RANBP2: variants seen among roughly 807,000 people sequenced by gnomAD.
RANBP2 encodes E3 SUMO-protein ligase RanBP2.
RANBP2 carries 57 observed loss-of-function variants against 303.6 expected under a neutral mutation model. The observed-to-expected ratio is 0.19, with a 90% CI of 0.15 to 0.23. RANBP2 has a LOEUF of 0.23. Ranked by LOEUF, RANBP2 falls within the 10% of genes least tolerant of loss-of-function variation. The probability of loss-of-function intolerance (pLI) is 1.00; values close to 1 mark genes in which losing one functional copy is unlikely to be tolerated. For synonymous variants in RANBP2, 1,167 were observed against 1,301.5 expected, an observed-to-expected ratio of 0.90 and a Z score of 2.23; for missense variants, 3,138 against 3,780.8, an observed-to-expected ratio of 0.83 and a Z score of 4.46.
chr2:109,603,117 A>G, the RANBP2 span, among the ~76,000 whole-genome samples: 1 of 152,118 alleles, frequency 6.6e-6, no homozygotes, highest in Non-Finnish European at 1.5e-5. Context: ...AAAAGGACCT[A>G]AAGTTGACAG....
At chr2:109,227,373 T>C in the RANBP2 span, among the ~76,000 whole-genome samples, 3 of 152,166 alleles carry the variant, frequency 2.0e-5, no homozygotes, top group Non-Finnish European at 4.4e-5. Context: ...CTCAGGTCCT[T>C]AGGGGTCCTG....
At chr2:109,511,339 A>G in the RANBP2 span, among the ~76,000 whole-genome samples, 1 of 152,202 alleles carries the variant, frequency 6.6e-6, no homozygotes, top group African/African-American at 2.4e-5. Context: ...GTGGCCTCTG[A>G]TGACAGCACC....
chr2:108,911,090 G>T, the RANBP2 span: 1 of 1,614,006 alleles, frequency 6.2e-7, no homozygotes, highest in Non-Finnish European at 8.5e-7. Context: ...TGGAGAGAAG[G>T]CATGAATGAC....
At chr2:109,490,729 G>T in the RANBP2 span, 67 of 1,535,906 alleles carry the variant, frequency 4.4e-5, no homozygotes, top group Non-Finnish European at 5.5e-5. Flanking sequence ...CTGCTCCAAG[G>T]TGCAGTGGGC....
At chr2:109,500,911 C>T in the RANBP2 span, among the ~76,000 whole-genome samples, 190 of 152,270 alleles carry the variant, frequency 1.2e-3, 1 homozygote, top group Middle Eastern at 3.4e-3. Flanking sequence ...GATCATACCA[C>T]GGCACTCCAG....
At chr2:109,265,944 C>T in the RANBP2 span, among the ~76,000 whole-genome samples, 34 of 152,242 alleles carry the variant, frequency 2.2e-4, no homozygotes, top group East Asian at 5.0e-3. Flanking sequence ...AATTACCCAC[C>T]GAGCCCTGGA....
the RANBP2 span, among the ~76,000 whole-genome samples, chr2:109,342,008 A>G: frequency 1.3e-5 from 2 of 152,198 alleles, no homozygotes; most frequent in African/African-American, 4.8e-5. Flanking sequence ...GTGTGTATAC[A>G]ATTAGGGTCT....
chr2:108,805,501 G>A, the RANBP2 span, among the ~76,000 whole-genome samples: 150 of 151,996 alleles, frequency 9.9e-4, no homozygotes, highest in Non-Finnish European at 1.6e-3. Context: ...TGAGGTGGGC[G>A]GATCACGAGG....
the RANBP2 span, among the ~76,000 whole-genome samples, chr2:109,193,498 A>G: frequency 6.6e-6 from 1 of 152,184 alleles, no homozygotes; most frequent in Non-Finnish European, 1.5e-5. Flanking sequence ...TATGAATGGA[A>G]TCATACAGTT....
the RANBP2 span, among the ~76,000 whole-genome samples, chr2:109,416,904 C>CAAAA: frequency 7.8e-5 from 5 of 64,392 alleles, no homozygotes; most frequent in South Asian, 1.0e-3. Context: ...GACTTCATCT[C>CAAAA]AAAAAAAAAA....
At chr2:109,324,903 G>A in the RANBP2 span, among the ~76,000 whole-genome samples, 5 of 152,300 alleles carry the variant, frequency 3.3e-5, no homozygotes, top group East Asian at 7.7e-4. Context: ...TGGAGCTGTC[G>A]CTTCCCCAAA....
At chr2:108,896,688 G>T in the RANBP2 span, 2 of 583,258 alleles carry the variant, frequency 3.4e-6, no homozygotes. Flanking sequence ...GCCTGGTGAG[G>T]TACAGGCGAG....
chr2:108,964,576 A>G, the RANBP2 span, among the ~76,000 whole-genome samples: 1 of 152,242 alleles, frequency 6.6e-6, no homozygotes, highest in African/African-American at 2.4e-5. Context: ...TGAAATGAGG[A>G]TAATCTTTTA....
the RANBP2 span, among the ~76,000 whole-genome samples, chr2:109,521,499 C>T: frequency 1.4e-3 from 214 of 152,314 alleles, 2 homozygotes; most frequent in Admixed American, 0.011. Flanking sequence ...TGGAAGTGTC[C>T]GAGTGAAGCC....
rs1187370564 is a variant in RANBP2, at chr2:108,749,034, A to T, written c.1178A>T (p.Gln393Leu). ...SALYDALFSSQSPKDTSFLGS... is the reference protein window; with the variant it reads ...SALYDALFSSLSPKDTSFLGS... The stretch of plus-strand genomic sequence containing the variant: ...TTATATGATGCTCTGTTTTCTAGTC[A>T]GTCACCTAAGGATACATCTTTTCTT... The change falls in exon 9 of 29, where the codon CAG becomes CTG. Residue 393 changes from glutamine to leucine, a missense_variant. Physicochemically the swap from Gln to Leu is moderately radical, Grantham distance 113. Transcript: ENST00000283195. 3 of 1,612,000 alleles carry T rather than the reference A, an allele frequency of 1.9e-6. No homozygotes were observed. Among genetic ancestry groups the T allele is most frequent in the Non-Finnish European group, 8.5e-7 (1 of 1,179,864 alleles).
the RANBP2 span, among the ~76,000 whole-genome samples, chr2:109,242,070 G>A: frequency 6.6e-6 from 1 of 151,988 alleles, no homozygotes; most frequent in Non-Finnish European, 1.5e-5. Context: ...GTAGACGGGG[G>A]TGTCATAGGT....
At chr2:108,924,107 G>T in the RANBP2 span, among the ~76,000 whole-genome samples, 1 of 152,218 alleles carries the variant, frequency 6.6e-6, no homozygotes, top group Non-Finnish European at 1.5e-5. Context: ...AAGCCTTTAC[G>T]CTGGGGCTGC....
chr2:109,480,280 A>T, the RANBP2 span, among the ~76,000 whole-genome samples: 12 of 152,174 alleles, frequency 7.9e-5, no homozygotes, highest in East Asian at 1.9e-3. Context: ...CCAGCACTTG[A>T]GCCCCATGTT....
At chr2:109,397,659 T>C in the RANBP2 span, among the ~76,000 whole-genome samples, 1 of 152,170 alleles carries the variant, frequency 6.6e-6, no homozygotes, top group Non-Finnish European at 1.5e-5. Flanking sequence ...CAGGGAGCCT[T>C]TTCTCACAGC....
Sources: allele counts gnomAD v4.1 joint callset (sites outside exome capture counted in the v4.1 genomes callset), GRCh38; gene constraint gnomAD v4.1.1; transcripts MANE v1.5; gene names NCBI Gene and HGNC (gene_info 2026-07-23, HGNC 2026-07-21).